Variants in DNAAF9 observed in about 807,000 individuals in gnomAD.
DNAAF9 encodes the protein shulin.
DNAAF9 carries 90 observed loss-of-function variants against 167.0 expected under a neutral mutation model. That is an observed-to-expected ratio of 0.54 (90% CI 0.45 to 0.64). DNAAF9 has a LOEUF of 0.64. DNAAF9 is among the 30% of genes least tolerant of loss of function. The pLI is 0.00. For missense variants in DNAAF9, 1,315 were observed against 1,442.2 expected, an observed-to-expected ratio of 0.91 and a Z score of 1.43; for synonymous variants, 491 against 508.8, an observed-to-expected ratio of 0.96 and a Z score of 0.47.
At chr20:3,256,805 T>C (rs2068289030) in intron 33 of DNAAF9, among the ~76,000 whole-genome samples, 1 of 152,114 alleles carries the variant, frequency 6.6e-6, no homozygotes, top group South Asian at 2.1e-4. Context: ...AGAAACCCCC[T>C]TGGTAGAAGT....
chr20:3,270,406 C>G, intron 30 of DNAAF9, 21 bp downstream of exon 30: 2 of 1,610,568 alleles, frequency 1.2e-6, no homozygotes, highest in South Asian at 2.2e-5. Context: ...ACTGGTCTTG[C>G]AGAGTGAATC....
intron 10 of DNAAF9, among the ~76,000 whole-genome samples, chr20:3,337,921 T>C (rs1296911272): frequency 6.7e-6 from 1 of 149,560 alleles, no homozygotes; most frequent in Non-Finnish European, 1.5e-5. Context: ...ATTTATTCCT[T>C]CTTTGATGCT....
chr20:3,297,603 T>C (rs1671116874), intron 22 of DNAAF9, among the ~76,000 whole-genome samples: 2 of 152,172 alleles, frequency 1.3e-5, no homozygotes, highest in African/African-American at 4.8e-5. Flanking sequence ...CCCTCATCTA[T>C]GCCATCTGTG....
chr20:3,333,317 T>TG (rs1221217671), intron 10 of DNAAF9, among the ~76,000 whole-genome samples: 6 of 151,990 alleles, frequency 3.9e-5, no homozygotes, highest in African/African-American at 1.5e-4. Context: ...CAACATCTCA[T>TG]GAGGGTTCCT....
chr20:3,310,383 AAGAAAG>A (rs1420201527), intron 20 of DNAAF9, among the ~76,000 whole-genome samples: 1 of 151,482 alleles, frequency 6.6e-6, no homozygotes, highest in Non-Finnish European at 1.5e-5. Context: ...GAAAGAAAGA[AAGAAAG>A]AATTCCTAAA....
intron 21 of DNAAF9, among the ~76,000 whole-genome samples, chr20:3,300,417 G>A (rs2069163655): frequency 6.6e-6 from 1 of 151,838 alleles, no homozygotes; most frequent in African/African-American, 2.4e-5. Context: ...TTATTCCCTA[G>A]TACTTTACTC....
At chr20:3,376,060 A>G (rs1285718729) in intron 4 of DNAAF9, 118 bp downstream of exon 4, 2 of 932,264 alleles carry the variant, frequency 2.1e-6, no homozygotes, top group Non-Finnish European at 3.2e-6. Context: ...CAAACAGATA[A>G]TCTTTTTTAT....
intron 20 of DNAAF9, among the ~76,000 whole-genome samples, chr20:3,311,319 T>G (rs63582660): frequency 3.6e-4 from 54 of 148,134 alleles, no homozygotes; most frequent in South Asian, 1.3e-3. Context: ...TTTTTTTTTT[T>G]GGGTAGAGAT....
In DNAAF9 at chr20:3,381,475, C is replaced by A. The variant is rs200480667; in HGVS notation, c.187G>T (p.Gly63Cys). ...ILGIDSRYNEGCRELANYLLF... is the reference protein window; with the variant it reads ...ILGIDSRYNECCRELANYLLF... ...AGATAATTTGCCAGCTCTCTGCAGC[C>A]TTCATTGTACCTGCTATCGATTCCT... The change falls in exon 3 of 37, where the codon GGC (glycine) becomes TGC (cysteine). Residue 63 changes from glycine (G) to cysteine (C), a missense_variant. Around this residue, in one of 2 missense-constraint regions of DNAAF9, gnomAD observed 981 missense variants for 1,012.5 expected, o/e 0.97. Transcript: ENST00000252032. The A allele has an allele frequency of 3.7e-6, 6 of 1,613,708 alleles. No homozygotes were observed. The highest frequency in any genetic ancestry group is 1.3e-5 in the African/African-American group (1 of 74,896).
chr20:3,349,945 GT>G (rs2070281739), intron 7 of DNAAF9, among the ~76,000 whole-genome samples: 1 of 152,098 alleles, frequency 6.6e-6, no homozygotes, highest in Admixed American at 6.6e-5. Context: ...CAGGCATTCT[GT>G]TTGCTGCACC....
chr20:3,338,039 TATATA>T (rs1027175133), intron 10 of DNAAF9, among the ~76,000 whole-genome samples: 3 of 148,244 alleles, frequency 2.0e-5, no homozygotes, highest in African/African-American at 7.4e-5. Flanking sequence ...ATAATTAAAA[TATATA>T]ATATATGCAC....
chr20:3,347,754 T>A (rs766723733), intron 8 of DNAAF9, among the ~76,000 whole-genome samples: 2 of 152,020 alleles, frequency 1.3e-5, no homozygotes, highest in Non-Finnish European at 2.9e-5. Flanking sequence ...AAAACCCATC[T>A]CTACTAAAAA....
intron 1 of DNAAF9, among the ~76,000 whole-genome samples, chr20:3,388,822 G>A (rs967593508): frequency 1.3e-5 from 2 of 152,304 alleles, no homozygotes; most frequent in East Asian, 3.9e-4. Context: ...TTGTTTAATA[G>A]GTACAGCTTC....
At chr20:3,344,418 C>T (rs1251418926) in intron 8 of DNAAF9, among the ~76,000 whole-genome samples, 1 of 151,936 alleles carries the variant, frequency 6.6e-6, no homozygotes, top group Non-Finnish European at 1.5e-5. Context: ...CAATAAAAAC[C>T]ACCTATAATG....
At chr20:3,389,823 G>C (rs768018575) in intron 1 of DNAAF9, among the ~76,000 whole-genome samples, 1 of 152,124 alleles carries the variant, frequency 6.6e-6, no homozygotes, top group Admixed American at 6.6e-5. Flanking sequence ...ATTGCCTGAG[G>C]TCAGGAGTTC....
At chr20:3,295,731 G>A (rs576385396) in intron 23 of DNAAF9, 7 of 627,288 alleles carry the variant, frequency 1.1e-5, no homozygotes, top group East Asian at 3.8e-5. Flanking sequence ...GGCATAACGC[G>A]TGATGTAGTT....
At chr20:3,261,524 C>T (rs1038311774) in intron 31 of DNAAF9, among the ~76,000 whole-genome samples, 8 of 151,376 alleles carry the variant, frequency 5.3e-5, no homozygotes, top group African/African-American at 1.7e-4. Flanking sequence ...CCCACCACCA[C>T]GCCCAGCTAA....
At chr20:3,274,728 A>G (rs558302052) in intron 29 of DNAAF9, among the ~76,000 whole-genome samples, 14 of 152,046 alleles carry the variant, frequency 9.2e-5, no homozygotes, top group Non-Finnish European at 1.8e-4. Context: ...CACCACTACC[A>G]CCATCAGCAC....
chr20:3,249,741 T>C lies in DNAAF9; in HGVS notation c.*2831A>G, dbSNP rs2068171127. The C allele has an allele frequency of 6.6e-6, 1 of 152,194 alleles. No homozygotes were observed. The highest frequency in any genetic ancestry group is 1.5e-5 in the Non-Finnish European group (1 of 68,028). 9.4% of individuals were successfully genotyped at this position (152,194 alleles called of 1,614,324 possible). The stretch of plus-strand genomic sequence containing the variant: ...AGTTTACAATCTTTGAATTGAACTT[T>C]TCCCTTTTGAGAAGCCCAAGGAGCA... On this transcript the variant is annotated 3_prime_UTR_variant, in exon 37 of 37. Coordinates refer to ENST00000252032, the MANE Select transcript of DNAAF9 (RefSeq NM_001009984.3).
Sources: allele counts gnomAD v4.1 joint callset (sites outside exome capture counted in the v4.1 genomes callset), GRCh38; gene constraint gnomAD v4.1.1; regional missense constraint gnomAD v4.1.1; transcripts MANE v1.5; gene names NCBI Gene and HGNC (gene_info 2026-07-23, HGNC 2026-07-21).